KPNA3: variants seen among roughly 807,000 people sequenced by gnomAD.
KPNA3 encodes karyopherin subunit alpha 3.
In KPNA3, 13 loss-of-function variants were observed where a neutral mutation model predicts 73.8. The observed-to-expected ratio is 0.18, with a 90% CI of 0.11 to 0.28. The LOEUF is 0.28. Ranked by LOEUF, KPNA3 falls within the 10% of genes least tolerant of loss-of-function variation. The probability of loss-of-function intolerance (pLI) is 1.00; values close to 1 mark genes in which losing one functional copy is unlikely to be tolerated. For missense variants in KPNA3, 360 were observed against 618.1 expected (o/e 0.58, Z 4.43); for synonymous variants, 186 against 206.9 (o/e 0.90, Z 0.87).
chr13:49,728,769 A>G (rs908010925), intron 6 of KPNA3, among the ~76,000 whole-genome samples: 5 of 152,252 alleles, frequency 3.3e-5, no homozygotes, highest in Admixed American at 6.5e-5. Flanking sequence ...CCAAAGCTTT[A>G]GCAGAAAAAA....
intron 1 of KPNA3, among the ~76,000 whole-genome samples, chr13:49,750,355 T>C (rs1380357645): frequency 6.6e-6 from 1 of 152,212 alleles, no homozygotes; most frequent in African/African-American, 2.4e-5. Context: ...TTTGTCCTTT[T>C]AAGGAAAAGT....
intron 2 of KPNA3, among the ~76,000 whole-genome samples, chr13:49,746,582 T>C (rs924494605): frequency 6.6e-6 from 1 of 152,236 alleles, no homozygotes; most frequent in Non-Finnish European, 1.5e-5. Context: ...TTGCTTTCAG[T>C]TGGGAAAACA....
At chr13:49,705,568 A>C in intron 15 of KPNA3, 53 bp downstream of exon 15, 1 of 1,558,186 alleles carries the variant, frequency 6.4e-7, no homozygotes, top group Non-Finnish European at 8.7e-7. Flanking sequence ...TAAAGAACTT[A>C]TGTTTCAGAG....
intron 10 of KPNA3, among the ~76,000 whole-genome samples, chr13:49,718,055 C>A (rs1474143527): frequency 6.6e-6 from 1 of 152,080 alleles, no homozygotes; most frequent in Admixed American, 6.6e-5. Context: ...TGAAAAAGCA[C>A]AGGCCTTGGA....
At chr13:49,750,020 C>T (rs145061636) in intron 1 of KPNA3, among the ~76,000 whole-genome samples, 73 of 152,316 alleles carry the variant, frequency 4.8e-4, no homozygotes, top group Admixed American at 1.6e-3. Context: ...CATGACCACT[C>T]CCAAGTATCT....
intron 1 of KPNA3, among the ~76,000 whole-genome samples, chr13:49,777,106 C>A (rs1371104265): frequency 2.0e-5 from 3 of 152,226 alleles, no homozygotes; most frequent in Non-Finnish European, 2.9e-5. Flanking sequence ...GAGGAATGCA[C>A]ATGCAATATC....
intron 6 of KPNA3, among the ~76,000 whole-genome samples, chr13:49,728,166 C>T (rs919069352): frequency 2.0e-5 from 3 of 148,330 alleles, no homozygotes; most frequent in Non-Finnish European, 4.4e-5. Flanking sequence ...ACCCAGGAGG[C>T]GGAGCTTGCA....
chr13:49,719,646 T>C, intron 10 of KPNA3, 129 bp downstream of exon 10: 1 of 706,618 alleles, frequency 1.4e-6, no homozygotes, highest in Non-Finnish European at 2.4e-6. Context: ...AGCTTAATCC[T>C]ATTTCTGAAA....
chr13:49,703,978 G>A lies in KPNA3; in HGVS notation c.1373-1498C>T, dbSNP rs1161238359. Among the ~76,000 whole-genome samples, 5 of 151,448 alleles carry A rather than the reference G, an allele frequency of 3.3e-5. No homozygotes were observed. In the East Asian group the frequency reaches 9.7e-4, roughly 29 times the overall value. On this transcript the variant is annotated intron_variant, in intron 15 of 16. Coordinates refer to ENST00000261667, the MANE Select transcript of KPNA3 (RefSeq NM_002267.4). ...AAGCTGAAGAGTAGTAATTCTCTAA[G>A]TTGCTCAAACTTACTGTGTTATGAA...
At chr13:49,773,589 A>G (rs540370626) in intron 1 of KPNA3, among the ~76,000 whole-genome samples, 88 of 152,304 alleles carry the variant, frequency 5.8e-4, no homozygotes, top group African/African-American at 2.1e-3. Context: ...AACCTTCAAG[A>G]GTGTTATAAA....
chr13:49,786,654 C>A (rs1000978345), intron 1 of KPNA3, among the ~76,000 whole-genome samples: 33 of 152,158 alleles, frequency 2.2e-4, no homozygotes, highest in African/African-American at 7.9e-4. Flanking sequence ...ACAGCATATA[C>A]AAAGGCATGA....
At chr13:49,779,971 C>G (rs920604859) in intron 1 of KPNA3, among the ~76,000 whole-genome samples, 4 of 152,140 alleles carry the variant, frequency 2.6e-5, no homozygotes, top group African/African-American at 9.7e-5. Flanking sequence ...CACCATTTTC[C>G]TGCTAAGCTT....
chr13:49,703,304 C>T (rs1313653209), intron 15 of KPNA3, among the ~76,000 whole-genome samples: 1 of 151,404 alleles, frequency 6.6e-6, no homozygotes, highest in Non-Finnish European at 1.5e-5. Flanking sequence ...CCTCAGCCTC[C>T]CAAGTAGCTG....
chr13:49,717,398 C>T (rs1197888046), intron 10 of KPNA3, among the ~76,000 whole-genome samples: 1 of 143,730 alleles, frequency 7.0e-6, no homozygotes, highest in African/African-American at 2.6e-5. Context: ...CCACTGCACT[C>T]CAGCCTGGGT....
chr13:49,747,095 A>C (rs1453797235), intron 1 of KPNA3, 102 bp from the exon 2 acceptor site: 2 of 801,524 alleles, frequency 2.5e-6, no homozygotes, highest in African/African-American at 3.5e-5. Context: ...TAATCCTAGC[A>C]CTTTGGGAGG....
intron 15 of KPNA3, among the ~76,000 whole-genome samples, chr13:49,705,087 A>C (rs1025868990): frequency 6.6e-6 from 1 of 152,176 alleles, no homozygotes; most frequent in Non-Finnish European, 1.5e-5. Flanking sequence ...GGCCAGGCGC[A>C]GTGGCTCATG....
At chr13:49,705,877 A>AT in intron 14 of KPNA3, 94 bp from the exon 15 acceptor site, 1 of 1,195,172 alleles carries the variant, frequency 8.4e-7, no homozygotes, top group South Asian at 1.7e-5. Flanking sequence ...GCAGGAGGCT[A>AT]TCTTGAGCCC....
chr13:49,728,428 T>TA (rs1954431553), intron 6 of KPNA3, among the ~76,000 whole-genome samples: 1 of 152,136 alleles, frequency 6.6e-6, no homozygotes, highest in Non-Finnish European at 1.5e-5. Flanking sequence ...ACTGAAAAAT[T>TA]AAAGTTGAGC....
chr13:49,706,506 G>C lies in KPNA3; in HGVS notation c.1033-134C>G, dbSNP rs116145283. ...GAGACTGCACCTAAAAAGTGATTAG[G>C]TATACAAAATCTTCCATTTTAAACA... On this transcript the variant is annotated intron_variant, in intron 12 of 16. Transcript: ENST00000261667. The C allele has an allele frequency of 4.3e-3, 2,449 of 574,704 alleles. 43 individuals are homozygous for C. Among genetic ancestry groups the C allele is most frequent in the African/African-American group, 0.042 (2,202 of 52,516 alleles). 35.6% of individuals were successfully genotyped at this position (574,704 alleles called of 1,614,324 possible).
Sources: allele counts gnomAD v4.1 joint callset (sites outside exome capture counted in the v4.1 genomes callset), GRCh38; gene constraint gnomAD v4.1.1; transcripts MANE v1.5; gene names NCBI Gene and HGNC (gene_info 2026-07-23, HGNC 2026-07-21).